The following IMMP2L variants were observed in gnomAD, a reference collection of about 807,000 sequenced individuals.
IMMP2L encodes mitochondrial inner membrane protease subunit 2.
Under a neutral mutation model 19.3 loss-of-function variants are expected in IMMP2L, and 18 were observed. That is an observed-to-expected ratio of 0.93 (90% CI 0.64 to 1.38). The LOEUF is 1.38. IMMP2L is among the 40% of genes most tolerant of loss of function. The pLI, the probability that IMMP2L is intolerant of heterozygous loss-of-function variation, is 0.00. For missense variants in IMMP2L, 233 were observed against 218.2 expected (o/e 1.07, Z -0.43); for synonymous variants, 76 against 73.0 (o/e 1.04, Z -0.21).
At chr7:111,103,668 G>A (rs543846830) in intron 3 of IMMP2L, among the ~76,000 whole-genome samples, 14 of 151,708 alleles carry the variant, frequency 9.2e-5, no homozygotes, top group South Asian at 4.1e-4. Flanking sequence ...GTTCTTATCC[G>A]TATGATGACT....
At chr7:111,393,026 T>C in intron 3 of IMMP2L, 1 of 337,394 alleles carries the variant, frequency 3.0e-6, no homozygotes, top group South Asian at 2.4e-5. Flanking sequence ...ATTAAATCAC[T>C]GGCCATCAGT....
chr7:111,453,123 A>C (rs781665969), intron 3 of IMMP2L, among the ~76,000 whole-genome samples: 3 of 152,156 alleles, frequency 2.0e-5, no homozygotes, highest in Non-Finnish European at 2.9e-5. Context: ...ATTATCATAG[A>C]TAAGTGTCCA....
chr7:110,841,795 C>A (rs1287672711), intron 5 of IMMP2L, among the ~76,000 whole-genome samples: 1 of 152,072 alleles, frequency 6.6e-6, no homozygotes, highest in Non-Finnish European at 1.5e-5. Flanking sequence ...GCAGAAGTAA[C>A]TGTAAAGATC....
intron 4 of IMMP2L, among the ~76,000 whole-genome samples, chr7:110,941,149 C>T (rs929589126): frequency 1.3e-5 from 2 of 152,120 alleles, no homozygotes; most frequent in Non-Finnish European, 2.9e-5. Context: ...TTGTGCATTT[C>T]GCATCTCCAG....
At chr7:111,380,416 T>C (rs1292161596) in intron 3 of IMMP2L, among the ~76,000 whole-genome samples, 1 of 151,990 alleles carries the variant, frequency 6.6e-6, no homozygotes, top group Non-Finnish European at 1.5e-5. Flanking sequence ...ACACTCAGAA[T>C]GCAATAGAAG....
intron 3 of IMMP2L, among the ~76,000 whole-genome samples, chr7:111,002,973 G>A (rs78643932): frequency 1.0e-3 from 155 of 152,258 alleles, no homozygotes; most frequent in Non-Finnish European, 1.9e-3. Context: ...ATGCTGCCAT[G>A]CAGGTAATGC....
intron 3 of IMMP2L, among the ~76,000 whole-genome samples, chr7:111,384,214 GAGGAGAGAGGAGAAAGGAGAGAGGAGAA>G (rs140031104): frequency 7.0e-6 from 1 of 142,290 alleles, no homozygotes; most frequent in Admixed American, 6.8e-5. Flanking sequence ...AGAGAAGAGA[GAGGAGAGAGGAGAAAGGAGAGAGGAGAA>G]AGGAGAGAGG....
intron 5 of IMMP2L, among the ~76,000 whole-genome samples, chr7:110,761,740 T>C (rs1458824643): frequency 1.3e-5 from 2 of 152,168 alleles, no homozygotes; most frequent in Admixed American, 6.6e-5. Flanking sequence ...ATGAGGAACC[T>C]GAGGCTTAAA....
chr7:111,249,984 CAT>C (rs1562967050), intron 3 of IMMP2L, among the ~76,000 whole-genome samples: 1 of 152,146 alleles, frequency 6.6e-6, no homozygotes, highest in South Asian at 2.1e-4. Flanking sequence ...TTGCAGATGA[CAT>C]AATCCTGTAT....
intron 3 of IMMP2L, among the ~76,000 whole-genome samples, chr7:111,436,959 A>G (rs1447238024): frequency 5.3e-5 from 8 of 151,742 alleles, no homozygotes; most frequent in African/African-American, 1.9e-4. Context: ...ACTTAGAGCA[A>G]GAACTCACTC....
chr7:110,974,408 T>A (rs1820479293), intron 3 of IMMP2L, among the ~76,000 whole-genome samples: 1 of 152,146 alleles, frequency 6.6e-6, no homozygotes, highest in Non-Finnish European at 1.5e-5. Flanking sequence ...GATATTTTGA[T>A]TTACATAACA....
intron 3 of IMMP2L, among the ~76,000 whole-genome samples, chr7:111,307,957 C>T (rs947121129): frequency 1.3e-5 from 2 of 151,832 alleles, no homozygotes; most frequent in African/African-American, 2.4e-5. Flanking sequence ...TATAATTGAA[C>T]ACTTTAAGCA....
intron 3 of IMMP2L, among the ~76,000 whole-genome samples, chr7:111,012,960 T>C (rs776963781): frequency 7.2e-5 from 11 of 152,158 alleles, no homozygotes; most frequent in Non-Finnish European, 1.3e-4. Context: ...CAGCTTTCAT[T>C]CATTCAGCAC....
chr7:110,910,114 T>C (rs758740607), intron 4 of IMMP2L, among the ~76,000 whole-genome samples: 2 of 152,072 alleles, frequency 1.3e-5, no homozygotes, highest in Non-Finnish European at 1.5e-5. Flanking sequence ...AAACCAGGCA[T>C]GAAAACACAG....
intron 3 of IMMP2L, among the ~76,000 whole-genome samples, chr7:111,364,634 C>CA (rs112108805): frequency 0.034 from 2,093 of 62,456 alleles, 28 homozygotes; most frequent in East Asian, 0.1. Context: ...GACTCGGTCT[C>CA]AAAAAAAAAA....
At chr7:111,273,043 G>A (rs1027547996) in intron 3 of IMMP2L, among the ~76,000 whole-genome samples, 3 of 151,984 alleles carry the variant, frequency 2.0e-5, no homozygotes, top group African/African-American at 2.4e-5. Context: ...TTTGGAAGGT[G>A]GAGGCGGGCA....
At chr7:110,916,642 C>A (rs575658274) in intron 4 of IMMP2L, among the ~76,000 whole-genome samples, 21 of 152,288 alleles carry the variant, frequency 1.4e-4, no homozygotes, top group Middle Eastern at 3.4e-3. Context: ...AAATATAGAA[C>A]CAAAGTCTGG....
chr7:111,442,222 G>A (rs1336977125), intron 3 of IMMP2L, among the ~76,000 whole-genome samples: 5 of 151,820 alleles, frequency 3.3e-5, no homozygotes, highest in Non-Finnish European at 5.9e-5. Context: ...TCACTGCAAA[G>A]TAGGGATTCC....
At chr7:110,895,785 T>G (rs531331551) in intron 4 of IMMP2L, among the ~76,000 whole-genome samples, 2 of 152,232 alleles carry the variant, frequency 1.3e-5, no homozygotes, top group Non-Finnish European at 2.9e-5. Context: ...TTTAATGTTA[T>G]TTTAAAAGAT....
Sources: allele counts gnomAD v4.1 joint callset (sites outside exome capture counted in the v4.1 genomes callset), GRCh38; gene constraint gnomAD v4.1.1; transcripts MANE v1.5; gene names NCBI Gene and HGNC (gene_info 2026-07-23, HGNC 2026-07-21).